SPIDR: variants seen among roughly 807,000 people sequenced by gnomAD.
SPIDR encodes the protein scaffold protein involved in DNA repair, also known as DNA repair-scaffolding protein.
SPIDR carries 93 observed loss-of-function variants against 104.6 expected under a neutral mutation model. The ratio of observed to expected loss-of-function variants is 0.89; its 90% CI spans 0.75 to 1.06. The LOEUF (loss-of-function observed/expected upper bound fraction) is 1.06. Ranked by LOEUF, SPIDR falls within the 50% of genes least tolerant of loss-of-function variation. The probability of loss-of-function intolerance (pLI) is 0.00; values close to 1 mark genes in which losing one functional copy is unlikely to be tolerated. For missense variants in SPIDR, 1,154 were observed against 1,111.2 expected (o/e 1.04, Z -0.55); for synonymous variants, 431 against 416.9 (o/e 1.03, Z -0.41).
chr8:47,337,619 T>C (rs1249862834), intron 5 of SPIDR, among the ~76,000 whole-genome samples: 5 of 151,966 alleles, frequency 3.3e-5, no homozygotes, highest in Non-Finnish European at 7.4e-5. Flanking sequence ...GCTGCTGCTT[T>C]TTGTGTCACA....
intron 10 of SPIDR, among the ~76,000 whole-genome samples, chr8:47,602,636 T>C (rs1241138817): frequency 6.6e-6 from 1 of 152,222 alleles, no homozygotes; most frequent in African/African-American, 2.4e-5. Flanking sequence ...CACACCTTGA[T>C]CGTAGGTGTC....
intron 14 of SPIDR, among the ~76,000 whole-genome samples, chr8:47,711,968 G>A (rs754768326): frequency 4.6e-5 from 7 of 152,072 alleles, no homozygotes; most frequent in Non-Finnish European, 8.8e-5. Context: ...TGACCACACC[G>A]TCTGTGCCAG....
At chr8:47,357,670 T>A (rs1371312755) in intron 5 of SPIDR, among the ~76,000 whole-genome samples, 1 of 152,242 alleles carries the variant, frequency 6.6e-6, no homozygotes, top group Non-Finnish European at 1.5e-5. Context: ...ATTGAACTTC[T>A]AAGAAGGCAA....
chr8:47,715,762 T>C (rs1229179033), intron 16 of SPIDR, among the ~76,000 whole-genome samples: 1 of 152,214 alleles, frequency 6.6e-6, no homozygotes, highest in Admixed American at 6.5e-5. Context: ...TTGGGTTGTT[T>C]CTACTTTTTG....
intron 5 of SPIDR, among the ~76,000 whole-genome samples, chr8:47,353,831 A>T (rs1383331945): frequency 6.6e-6 from 1 of 151,930 alleles, no homozygotes; most frequent in Non-Finnish European, 1.5e-5. Context: ...GGTCAAGTTC[A>T]TTCACATAAG....
intron 10 of SPIDR, among the ~76,000 whole-genome samples, chr8:47,624,883 T>A (rs566301218): frequency 6.6e-6 from 1 of 152,176 alleles, no homozygotes; most frequent in African/African-American, 2.4e-5. Flanking sequence ...CCTAACTCAT[T>A]TTATGAGGCC....
chr8:47,491,333 A>C (rs1206611127), intron 8 of SPIDR, among the ~76,000 whole-genome samples: 1 of 152,180 alleles, frequency 6.6e-6, no homozygotes, highest in Non-Finnish European at 1.5e-5. Flanking sequence ...AAAGGCGGTC[A>C]ATAAATAAAA....
chr8:47,488,761 T>C (rs2078146559), intron 8 of SPIDR, among the ~76,000 whole-genome samples: 1 of 152,174 alleles, frequency 6.6e-6, no homozygotes, highest in African/African-American at 2.4e-5. Context: ...CACATGATTA[T>C]CTTAATAGAT....
In SPIDR at chr8:47,496,174, C is replaced by G. The variant is rs144074977; in HGVS notation, c.1097+55632C>G. On this transcript the variant is annotated intron_variant, in intron 8 of 19. Transcript: ENST00000297423. ...TACTTCTTGCTTTTCAATCAGGATG[C>G]CTTTATTTATTCCCCCCTTGCCTCA... is the stretch of plus-strand genomic sequence containing the variant. 3.3e-3 allele frequency among the ~76,000 whole-genome samples: 502 copies of G among 152,092 alleles called. 1 individual carries two copies. The highest frequency in any genetic ancestry group is 5.9e-3 in the Non-Finnish European group (404 of 67,978).
At chr8:47,734,848 G>A (rs1219581578) in intron 19 of SPIDR, among the ~76,000 whole-genome samples, 1 of 152,202 alleles carries the variant, frequency 6.6e-6, no homozygotes, top group Non-Finnish European at 1.5e-5. Context: ...TTTTAGCCCA[G>A]TATAACTCTA....
chr8:47,517,160 A>G (rs1238505629), intron 8 of SPIDR, among the ~76,000 whole-genome samples: 2 of 151,934 alleles, frequency 1.3e-5, no homozygotes, highest in Non-Finnish European at 2.9e-5. Context: ...AATTTTTTGC[A>G]TTTTTAATAG....
At chr8:47,438,490 T>C (rs1291296885) in intron 7 of SPIDR, among the ~76,000 whole-genome samples, 13 of 152,214 alleles carry the variant, frequency 8.5e-5, no homozygotes, top group African/African-American at 3.1e-4. Context: ...TTATCCTGAT[T>C]TCTTTTCCAG....
rs186881223 is a variant in SPIDR at position 47,528,923 on chromosome 8, A to C, written c.1098-66888A>C. Among the ~76,000 whole-genome samples, 7 of 152,338 alleles carry C rather than the reference A, an allele frequency of 4.6e-5. No homozygotes were observed. In the East Asian group the frequency reaches 1.3e-3, roughly 29 times the overall value. On this transcript the variant is annotated intron_variant, in intron 8 of 19. Transcript: ENST00000297423. ...ATGATAGGTTCCAAACCACAGATGC[A>C]GGAAGCTTAAACACCAACAGGATAA...
intron 5 of SPIDR, among the ~76,000 whole-genome samples, chr8:47,352,237 A>G (rs552696785): frequency 2.8e-4 from 43 of 151,112 alleles, no homozygotes; most frequent in African/African-American, 1.0e-3. Context: ...AGATCGCGCT[A>G]CTACACTCCA....
At chr8:47,297,221 G>A (rs1343008074) in intron 5 of SPIDR, among the ~76,000 whole-genome samples, 2 of 151,880 alleles carry the variant, frequency 1.3e-5, no homozygotes, top group African/African-American at 2.4e-5. Context: ...TTGCCTAATC[G>A]CTCTTGCCAG....
At chr8:47,505,836 C>G (rs1466696981) in intron 8 of SPIDR, among the ~76,000 whole-genome samples, 2 of 152,230 alleles carry the variant, frequency 1.3e-5, no homozygotes, top group Admixed American at 1.3e-4. Flanking sequence ...TTAGTGTTCA[C>G]TCTCTCCGAA....
intron 10 of SPIDR, among the ~76,000 whole-genome samples, chr8:47,651,925 G>C (rs1281528843): frequency 1.3e-5 from 2 of 152,120 alleles, no homozygotes; most frequent in African/African-American, 4.8e-5. Flanking sequence ...GGCATACAAA[G>C]TGATATAATG....
At chr8:47,670,745 T>C (rs1472438163) in intron 10 of SPIDR, among the ~76,000 whole-genome samples, 1 of 152,064 alleles carries the variant, frequency 6.6e-6, no homozygotes, top group Non-Finnish European at 1.5e-5. Flanking sequence ...TTCATTGCTA[T>C]CCATTTTCAG....
chr8:47,406,139 G>C (rs868928976), intron 6 of SPIDR, among the ~76,000 whole-genome samples: 1 of 149,262 alleles, frequency 6.7e-6, no homozygotes, highest in South Asian at 2.1e-4. Flanking sequence ...AGCAACATTT[G>C]GCAAATAATG....
Sources: gnomAD v4.1 joint callset for allele counts (sites outside exome capture counted in the v4.1 genomes callset) on GRCh38, gnomAD v4.1.1 for gene constraint, MANE v1.5 for transcripts, NCBI Gene and HGNC (gene_info 2026-07-23, HGNC 2026-07-21) for gene names.